Variants in SIPA1L1 observed in about 807,000 individuals in gnomAD.
SIPA1L1 encodes signal-induced proliferation-associated 1-like protein 1.
In SIPA1L1, 26 loss-of-function variants were observed where a neutral mutation model predicts 162.7. The observed-to-expected ratio is 0.16, with a 90% CI of 0.12 to 0.22. SIPA1L1 has a LOEUF of 0.22. Among genes scored for constraint, SIPA1L1 ranks in the 10% least tolerant of loss-of-function variants. SIPA1L1 has a pLI of 1.00. For missense variants in SIPA1L1, 1,874 were observed against 2,241.0 expected, an observed-to-expected ratio of 0.84 and a Z score of 3.31; for synonymous variants, 829 against 837.4, an observed-to-expected ratio of 0.99 and a Z score of 0.17.
intron 8 of SIPA1L1, among the ~76,000 whole-genome samples, chr14:71,657,117 A>T (rs921086098): frequency 6.6e-6 from 1 of 152,150 alleles, no homozygotes; most frequent in African/African-American, 2.4e-5. Context: ...TGGGAGGCCA[A>T]GGTGGGTGGA....
chr14:71,429,982 T>C (rs2043861154), intron 2 of SIPA1L1, among the ~76,000 whole-genome samples: 1 of 152,222 alleles, frequency 6.6e-6, no homozygotes, highest in Non-Finnish European at 1.5e-5. Context: ...TTACAATCTG[T>C]GCATTGGGGG....
At chr14:71,331,155 CTG>C (rs1306316771) in intron 2 of SIPA1L1, among the ~76,000 whole-genome samples, 1 of 152,184 alleles carries the variant, frequency 6.6e-6, no homozygotes, top group Non-Finnish European at 1.5e-5. Context: ...GTTGAGAAGA[CTG>C]TCCTTTCCTT....
chr14:71,333,894 T>C (rs1050322907), intron 2 of SIPA1L1, among the ~76,000 whole-genome samples: 1 of 152,160 alleles, frequency 6.6e-6, no homozygotes, highest in Non-Finnish European at 1.5e-5. Flanking sequence ...GTGGAGGTGA[T>C]GAGAAGTGAG....
At chr14:71,625,518 G>A (rs1369300073) in intron 7 of SIPA1L1, among the ~76,000 whole-genome samples, 1 of 152,120 alleles carries the variant, frequency 6.6e-6, no homozygotes, top group African/African-American at 2.4e-5. Flanking sequence ...TTTTCATAAT[G>A]CACAGCTAAT....
chr14:71,431,981 TG>T (rs1198145559), intron 2 of SIPA1L1, among the ~76,000 whole-genome samples: 1 of 152,082 alleles, frequency 6.6e-6, no homozygotes, highest in African/African-American at 2.4e-5. Flanking sequence ...AAATAGGCTT[TG>T]ACAAAAAGGA....
Position 71,672,438 on chromosome 14 carries a change from G to C in SIPA1L1, c.2920G>C (p.Val974Leu), listed in dbSNP as rs778181156. Residue 974 changes from valine (V) to leucine (L), a missense_variant, in exon 12 of 24, where the codon GTG (valine) becomes CTG (leucine). Transcript: ENST00000381232. The part of the protein sequence containing the change: ...LGFHVNYEGI[V>L]ADVEPYGYAW... ...CTTCCATGTCAACTATGAGGGCATT[G>C]TGGCGGATGTGGAGCCCTACGGTTA... The C allele has an allele frequency of 1.2e-6, 2 of 1,614,252 alleles. No homozygotes were observed. The highest frequency in any genetic ancestry group is 3.3e-5 in the Admixed American group (2 of 60,034).
intron 4 of SIPA1L1, among the ~76,000 whole-genome samples, chr14:71,544,288 TAC>T (rs1680979824): frequency 9.3e-6 from 1 of 107,436 alleles, no homozygotes; most frequent in African/African-American, 2.7e-5. Context: ...TATGTGTATA[TAC>T]ATATATATCA....
chr14:71,411,342 A>G (rs899580725), intron 2 of SIPA1L1, among the ~76,000 whole-genome samples: 6 of 152,196 alleles, frequency 3.9e-5, no homozygotes, highest in African/African-American at 1.4e-4. Flanking sequence ...GTGCACTACA[A>G]CTTCTGAACC....
At chr14:71,544,245 C>T (rs1348850679) in intron 4 of SIPA1L1, among the ~76,000 whole-genome samples, 1 of 137,206 alleles carries the variant, frequency 7.3e-6, no homozygotes, top group African/African-American at 2.5e-5. Flanking sequence ...TATGTATACA[C>T]ATATGTATAT....
intron 5 of SIPA1L1, among the ~76,000 whole-genome samples, chr14:71,612,144 T>G (rs72729956): frequency 6.6e-6 from 1 of 152,088 alleles, no homozygotes; most frequent in Non-Finnish European, 1.5e-5. Flanking sequence ...ACTTATGGTG[T>G]TTTTTTCTTG....
chr14:71,729,131 G>A (rs373066112), intron 19 of SIPA1L1, among the ~76,000 whole-genome samples: 6 of 152,242 alleles, frequency 3.9e-5, no homozygotes, highest in East Asian at 3.9e-4. Context: ...TGCCTCCCAG[G>A]TTCAAGCGAT....
chr14:71,589,592 T>A (rs1267391258), intron 5 of SIPA1L1, among the ~76,000 whole-genome samples: 1 of 152,214 alleles, frequency 6.6e-6, no homozygotes, highest in African/African-American at 2.4e-5. Context: ...TGTTAAATAG[T>A]ACTTTTACAA....
At chr14:71,471,993 T>A (rs1259047902) in intron 2 of SIPA1L1, among the ~76,000 whole-genome samples, 1 of 152,196 alleles carries the variant, frequency 6.6e-6, no homozygotes, top group Admixed American at 6.5e-5. Context: ...GGGCCTCTTG[T>A]GTTTGTATCG....
intron 2 of SIPA1L1, among the ~76,000 whole-genome samples, chr14:71,390,815 C>A (rs540669210): frequency 6.6e-6 from 1 of 152,074 alleles, no homozygotes; most frequent in East Asian, 1.9e-4. Context: ...AAAAACCCCA[C>A]CATTCAGGAA....
In SIPA1L1 at chr14:71,574,055, G is replaced by A. The variant is rs574922620; in HGVS notation, c.-302-13516G>A. On this transcript the variant is annotated intron_variant, in intron 4 of 23. Coordinates refer to ENST00000381232, the MANE Select transcript of SIPA1L1 (RefSeq NM_001386936.1). Reference sequence around the variant, plus strand: ...AGGTAATAACACATAGTGAAATCATGATTTATTTAAAGTAGAAATTTTGAT... The same window carrying A: ...AGGTAATAACACATAGTGAAATCATAATTTATTTAAAGTAGAAATTTTGAT... The A allele has an allele frequency of 6.1e-5, 11 of 179,156 alleles. No homozygotes were observed. The South Asian group carries it at 1.0e-3, about 16-fold the overall frequency. The allele number at this position is 179,156 out of a possible 1,614,324, so 11.1% of individuals were successfully genotyped here. A position where few individuals can be genotyped will look rare whatever the true frequency, so the allele number is the denominator to read the frequency against.
At chr14:71,522,319 T>A (rs1431024744) in intron 3 of SIPA1L1, among the ~76,000 whole-genome samples, 1 of 152,204 alleles carries the variant, frequency 6.6e-6, no homozygotes. Flanking sequence ...TTCACTTGCT[T>A]CTTGTTTGCT....
intron 2 of SIPA1L1, among the ~76,000 whole-genome samples, chr14:71,358,234 C>G (rs2037459101): frequency 6.6e-6 from 1 of 152,158 alleles, no homozygotes; most frequent in African/African-American, 2.4e-5. Context: ...AAATGAATCA[C>G]AGAAGTAAGA....
chr14:71,347,118 A>G (rs1278179902), intron 2 of SIPA1L1, among the ~76,000 whole-genome samples: 2 of 143,734 alleles, frequency 1.4e-5, no homozygotes, highest in African/African-American at 5.1e-5. Context: ...CGTCTGGGTA[A>G]TTTTTTTTTT....
At chr14:71,500,455 T>G (rs1167335362) in intron 2 of SIPA1L1, among the ~76,000 whole-genome samples, 1 of 152,192 alleles carries the variant, frequency 6.6e-6, no homozygotes, top group African/African-American at 2.4e-5. Flanking sequence ...ATTATATTCT[T>G]ACCAGTAGAA....
Sources: allele counts gnomAD v4.1 joint callset (sites outside exome capture counted in the v4.1 genomes callset), GRCh38; gene constraint gnomAD v4.1.1; transcripts MANE v1.5; gene names NCBI Gene and HGNC (gene_info 2026-07-23, HGNC 2026-07-21).